Variants in OGFOD3 observed in about 807,000 individuals in gnomAD.
OGFOD3 encodes 2-oxoglutarate and iron dependent oxygenase domain containing 3, also known as 2-oxoglutarate and iron-dependent oxygenase domain-containing protein 3.
In OGFOD3, 35 loss-of-function variants were observed where a neutral mutation model predicts 39.8. The observed-to-expected ratio is 0.88, with a 90% CI of 0.67 to 1.17. The LOEUF is 1.17. OGFOD3 is among the 50% of genes most tolerant of loss of function. The pLI is 0.00. For missense variants in OGFOD3, 438 were observed against 454.5 expected (o/e 0.96, Z 0.33); for synonymous variants, 200 against 192.0 (o/e 1.04, Z -0.34).
At chr17:82,399,159 T>C (rs866207006) in intron 7 of OGFOD3, among the ~76,000 whole-genome samples, 5 of 152,318 alleles carry the variant, frequency 3.3e-5, no homozygotes, top group Non-Finnish European at 4.4e-5. Context: ...AGAAGGTAAA[T>C]TAACAACATG....
chr17:82,405,747 C>T (rs549791410), intron 5 of OGFOD3, among the ~76,000 whole-genome samples: 3 of 151,198 alleles, frequency 2.0e-5, no homozygotes, highest in South Asian at 4.2e-4. Context: ...GTCAGGAATT[C>T]GAGACCATCC....
chr17:82,392,386 C>A lies in OGFOD3; in HGVS notation c.*12G>T. On this transcript the variant is annotated 3_prime_UTR_variant, in exon 9 of 9. Transcript: ENST00000313056. The surrounding 1 kb of genome is among the most constrained non-coding windows in gnomAD (Gnocchi z 4.2). ...ACGGGCCCTCCTGAAGTTACCTTGG[C>A]CCGGCTGCTGGCTACGGGAACGCTG... 3.7e-6 allele frequency: 6 copies of A among 1,607,420 alleles called. No homozygotes were observed. Among genetic ancestry groups the A allele is most frequent in the Non-Finnish European group, 5.1e-6 (6 of 1,178,012 alleles).
intron 7 of OGFOD3, chr17:82,400,585 CTG>C (rs1444009387): frequency 6.6e-6 from 1 of 152,184 alleles, no homozygotes; most frequent in Admixed American, 6.5e-5. Context: ...AGAAGGAACT[CTG>C]AGATCTCAGG....
At chr17:82,403,838 C>G (rs982059491) in intron 7 of OGFOD3, 99 bp downstream of exon 7, 1 of 1,483,778 alleles carries the variant, frequency 6.7e-7, no homozygotes, top group African/African-American at 1.4e-5. Flanking sequence ...TCACCTTGTC[C>G]ACGAGCGCGC....
chr17:82,417,014 C>T (rs2053063081), intron 1 of OGFOD3, among the ~76,000 whole-genome samples: 1 of 152,072 alleles, frequency 6.6e-6, no homozygotes, highest in Admixed American at 6.6e-5. Context: ...TCAGTGCTGA[C>T]AAAAACTGGT....
In OGFOD3 at chr17:82,403,985, C is replaced by G. The variant is rs200973304; in HGVS notation, c.651G>C (p.Thr217=). Residue 217 remains threonine, a synonymous_variant, in exon 7 of 9, where the codon ACG becomes ACC. Coordinates refer to ENST00000313056, the MANE Select transcript of OGFOD3 (RefSeq NM_024648.3). ...ACTCGTCGTGCGCCGTCCGCGCTTC[C>G]GTGCTGTTTATGCGGGAGAAGAAGG... ...KPTFFSRINS[T]EARTAHDEYW... The G allele has an allele frequency of 3.3e-5, 53 of 1,610,370 alleles. No individual in the cohort carries two copies. Among genetic ancestry groups the G allele is most frequent in the Non-Finnish European group, 4.4e-5 (52 of 1,178,732 alleles).
Position 82,403,783 on chromosome 17 carries a change from T to TACTCACCCTGCCCACGTACGC in OGFOD3, c.699+133_699+153dup, listed in dbSNP as rs1413378583. 8.1e-3 allele frequency: 6,027 copies of TACTCACCCTGCCCACGTACGC among 747,180 alleles called. 70 individuals are homozygous for TACTCACCCTGCCCACGTACGC. Among genetic ancestry groups the TACTCACCCTGCCCACGTACGC allele is most frequent in the Non-Finnish European group, 7.5e-3 (3,606 of 480,694 alleles). The allele number at this position is 747,180 out of a possible 1,614,324, so 46.3% of individuals were successfully genotyped here. A position where few individuals can be genotyped will look rare whatever the true frequency, so the allele number is the denominator to read the frequency against. On this transcript the variant is annotated intron_variant, in intron 7 of 8. Transcript: ENST00000313056. ...TGCGCGCTCACCCTGCCCACGTGCG[T>TACTCACCCTGCCCACGTACGC]ACTCACCCTGCCCACGTACGCACTC...
chr17:82,396,200 G>C (rs2052670133), intron 8 of OGFOD3, among the ~76,000 whole-genome samples: 1 of 149,824 alleles, frequency 6.7e-6, no homozygotes, highest in South Asian at 2.1e-4. Flanking sequence ...CAATTAGACA[G>C]ATGTACGACA....
In OGFOD3 at chr17:82,390,702, G is replaced by A. The variant is rs1025793220; in HGVS notation, c.*1696C>T. On this transcript the variant is annotated 3_prime_UTR_variant, in exon 9 of 9. Transcript: ENST00000313056. This position sits in a 1 kb window ranked among gnomAD's most constrained non-coding sequence, Gnocchi z 4.9. The stretch of plus-strand genomic sequence containing the variant: ...AGGGGCCCTGGGCAAACCAAGGTGC[G>A]GCCCCCAAGTCCCCCGTACCCAGGG... 8 of 198,990 alleles carry A rather than the reference G, an allele frequency of 4.0e-5. No individual in the cohort carries two copies. In the East Asian group the frequency reaches 7.2e-4, roughly 18 times the overall value. The allele number at this position is 198,990 out of a possible 1,614,324, so 12.3% of individuals were successfully genotyped here. A position where few individuals can be genotyped will look rare whatever the true frequency, so the allele number is the denominator to read the frequency against.
intron 1 of OGFOD3, among the ~76,000 whole-genome samples, chr17:82,416,370 G>A (rs1200248764): frequency 2.0e-5 from 3 of 152,222 alleles, no homozygotes; most frequent in African/African-American, 7.2e-5. Flanking sequence ...AGCTGCTCTA[G>A]GACAGGCTGG....
At chr17:82,403,581 G>GA (rs1567869648) in intron 7 of OGFOD3, among the ~76,000 whole-genome samples, 1 of 152,050 alleles carries the variant, frequency 6.6e-6, no homozygotes, top group Non-Finnish European at 1.5e-5. Context: ...GCAGTGAGCC[G>GA]AATCGCGCCA....
rs2052862389 is a variant in OGFOD3, at chr17:82,406,746, C to T, written c.424-264G>A. Among the ~76,000 whole-genome samples, 2 of 152,100 alleles carry T rather than the reference C, an allele frequency of 1.3e-5. No individual in the cohort carries two copies. The highest frequency in any genetic ancestry group is 6.6e-5 in the Admixed American group (1 of 15,262). ...CCACCCTCTGCCTCCCAAGTAAAGG[C>T]GCTCGCCACCACACCTGGCTAATTT... On this transcript the variant is annotated intron_variant, in intron 4 of 8. Transcript: ENST00000313056. This position sits in a 1 kb window ranked among gnomAD's most constrained non-coding sequence, Gnocchi z 5.2.
At position 82,406,255 on chromosome 17, in the gene OGFOD3, A is replaced by G. The variant is rs568093256; in HGVS notation, c.488+163T>C. Among the ~76,000 whole-genome samples the G allele has an allele frequency of 1.3e-5, 2 of 152,250 alleles. No individual in the cohort carries two copies. The highest frequency in any genetic ancestry group is 1.9e-4 in the East Asian group (1 of 5,176). On this transcript the variant is annotated intron_variant, in intron 5 of 8. Coordinates refer to ENST00000313056, the MANE Select transcript of OGFOD3 (RefSeq NM_024648.3). The surrounding 1 kb of genome is among the most constrained non-coding windows in gnomAD (Gnocchi z 5.2). ...CCTCCCAGCTCTTGCGTCCCAAAGAACCAGGAAGGACCCGGCCAACATCAC... is the reference window on the plus strand; with the variant it reads ...CCTCCCAGCTCTTGCGTCCCAAAGAGCCAGGAAGGACCCGGCCAACATCAC...
rs775462524 is a variant in OGFOD3, at chr17:82,415,790, C to A, written c.75-163G>T. Among the ~76,000 whole-genome samples, 8 of 152,074 alleles carry A rather than the reference C, an allele frequency of 5.3e-5. No individual in the cohort carries two copies. Among genetic ancestry groups the A allele is most frequent in the Non-Finnish European group, 1.5e-5 (1 of 68,032 alleles). ...GCCAGCGCTGTCCACTCAGGAAACA[C>A]GGACTCTTCCCTCCCTTTCCCTTCA... On this transcript the variant is annotated intron_variant, in intron 1 of 8. Transcript: ENST00000313056. The surrounding 1 kb of genome is among the most constrained non-coding windows in gnomAD (Gnocchi z 5.3).
At chr17:82,397,130 T>C (rs1454927366) in intron 8 of OGFOD3, among the ~76,000 whole-genome samples, 1 of 152,002 alleles carries the variant, frequency 6.6e-6, no homozygotes, top group Non-Finnish European at 1.5e-5. Context: ...ACTGAAGTCG[T>C]AAACTAACCT....
At chr17:82,397,381 C>G (rs1264138196) in intron 8 of OGFOD3, among the ~76,000 whole-genome samples, 8 of 35,898 alleles carry the variant, frequency 2.2e-4, no homozygotes, top group Non-Finnish European at 4.0e-4. Context: ...AGGGCAGTGC[C>G]CTGGGGACGG....
rs1955321066 is a variant in OGFOD3 at position 82,403,937 on chromosome 17, C to G, written c.699G>C (p.Lys233Asn). 1.7e-5 allele frequency: 27 copies of G among 1,602,068 alleles called. No homozygotes were observed. Among genetic ancestry groups the G allele is most frequent in the Non-Finnish European group, 2.3e-5 (27 of 1,176,242 alleles). Residue 233 changes from lysine to asparagine, a missense_variant and splice_region_variant, in exon 7 of 9, where the codon AAG becomes AAC. Coordinates refer to ENST00000313056, the MANE Select transcript of OGFOD3 (RefSeq NM_024648.3). ...HDEYWHAHVD[K>N]VTYGSFDYTS... ...TCACCCTGCCCACGGGCGCGCTCAC[C>G]TTGTCCACGTGCGCATGCCAGTACT...
At chr17:82,398,134 C>A (rs1344926341) in intron 8 of OGFOD3, 62 bp downstream of exon 8, 24 of 1,603,576 alleles carry the variant, frequency 1.5e-5, no homozygotes, top group Non-Finnish European at 2.0e-5. Flanking sequence ...ACACGCCCCC[C>A]ACACCCACCG....
chr17:82,408,974 A>C (rs1267488893), intron 4 of OGFOD3, among the ~76,000 whole-genome samples: 3 of 152,144 alleles, frequency 2.0e-5, no homozygotes, highest in Non-Finnish European at 4.4e-5. Flanking sequence ...TGTCTGTCCC[A>C]CGGAGGCCCT....
Sources: gnomAD v4.1 joint callset for allele counts (sites outside exome capture counted in the v4.1 genomes callset) on GRCh38, gnomAD v4.1.1 for gene constraint, Gnocchi (gnomAD v3.1) non-coding constraint, MANE v1.5 for transcripts, NCBI Gene and HGNC (gene_info 2026-07-23, HGNC 2026-07-21) for gene names.